The following CFAP69 variants were observed in gnomAD, a reference collection of about 807,000 sequenced individuals.
The protein encoded by CFAP69 is cilia- and flagella-associated protein 69.
CFAP69 carries 92 observed loss-of-function variants against 123.0 expected under a neutral mutation model. The ratio of observed to expected loss-of-function variants is 0.75; its 90% confidence interval spans 0.63 to 0.89. The LOEUF is 0.89. Among genes scored for constraint, CFAP69 ranks in the 40% least tolerant of loss-of-function variants. CFAP69 has a pLI of 0.00. For synonymous variants in CFAP69, 380 were observed against 364.3 expected (o/e 1.04, Z -0.49); for missense variants, 1,067 against 1,096.9 (o/e 0.97, Z 0.39).
At chr7:90,299,812 C>A in intron 16 of CFAP69, 55 bp from the exon 17 acceptor site, 9 of 1,312,282 alleles carry the variant, frequency 6.9e-6, no homozygotes, top group South Asian at 1.5e-5. Flanking sequence ...TTTTTGAAGA[C>A]AATAATTCTT....
At chr7:90,309,403 C>T in intron 22 of CFAP69, 36 bp downstream of exon 22, 1 of 1,219,930 alleles carries the variant, frequency 8.2e-7, no homozygotes, top group Non-Finnish European at 1.2e-6. Context: ...TCTTAATAGA[C>T]ATTAAATTTA....
At chr7:90,301,388 A>G (rs936696914) in intron 17 of CFAP69, 2 of 152,042 alleles carry the variant, frequency 1.3e-5, no homozygotes, top group African/African-American at 4.8e-5. Context: ...GGGTAAACTC[A>G]TGTCACAAGG....
chr7:90,309,151 A>C (rs1794014071), intron 21 of CFAP69, 112 bp from the exon 22 acceptor site: 1 of 520,788 alleles, frequency 1.9e-6, no homozygotes, highest in Non-Finnish European at 3.4e-6. Flanking sequence ...GCGCTATCTA[A>C]TAAACAACCA....
chr7:90,297,628 T>C lies in CFAP69; in HGVS notation c.1776-121T>C, dbSNP rs983060542. ...TATTTTTTTAGGTAAAAACATTAGCTACTTGATTTAAGAAAATGAAGAAAA... is the reference window on the plus strand; with the variant it reads ...TATTTTTTTAGGTAAAAACATTAGCCACTTGATTTAAGAAAATGAAGAAAA... On this transcript the variant is annotated intron_variant, in intron 15 of 22. Transcript: ENST00000389297. The C allele has an allele frequency of 5.1e-6, 3 of 591,650 alleles. No individual in the cohort carries two copies. In the African/African-American group the frequency reaches 5.9e-5, roughly 12 times the overall value. 36.7% of individuals were successfully genotyped at this position (591,650 alleles called of 1,614,324 possible).
rs377751776 is a variant in CFAP69, at chr7:90,245,473, A to T, written c.49A>T (p.Ile17Phe). The T allele has an allele frequency of 1.3e-6, 2 of 1,553,588 alleles. No homozygotes were observed. The highest frequency in any genetic ancestry group is 2.8e-5 in the African/African-American group (2 of 70,190). The change falls in exon 1 of 23, where the codon ATC (isoleucine) becomes TTC (phenylalanine). Residue 17 changes from isoleucine to phenylalanine, a missense_variant. Ile to Phe is a conservative substitution (Grantham distance 21). Transcript: ENST00000389297. ...GATAEAQESG[I>F]RNKSSSSSQI... The stretch of plus-strand genomic sequence containing the variant: ...GACCGCCGAGGCCCAGGAATCCGGC[A>T]TCAGGAACAAGTCTAGCAGTTCCAG...
chr7:90,274,336 A>G (rs987115448), intron 9 of CFAP69, among the ~76,000 whole-genome samples: 16 of 152,110 alleles, frequency 1.1e-4, no homozygotes, highest in African/African-American at 3.6e-4. Flanking sequence ...TGTATTTACC[A>G]CTTATGATGC....
downstream of CFAP69, chr7:90,312,837 T>C (rs1413049204): frequency 6.6e-6 from 1 of 152,192 alleles, no homozygotes; most frequent in Admixed American, 6.5e-5. Flanking sequence ...CTGAAACTTT[T>C]ACTAACCAAC....
intron 15 of CFAP69, 147 bp downstream of exon 15, chr7:90,288,499 A>G: frequency 2.3e-6 from 2 of 884,246 alleles, no homozygotes; most frequent in Non-Finnish European, 3.4e-6. Flanking sequence ...CATAGATGGT[A>G]TAGCCTACTA....
At chr7:90,291,047 A>T (rs976149087) in intron 15 of CFAP69, among the ~76,000 whole-genome samples, 1 of 152,240 alleles carries the variant, frequency 6.6e-6, no homozygotes, top group East Asian at 1.9e-4. Context: ...GCAAATTCTT[A>T]TAGGAAAGGG....
intron 15 of CFAP69, among the ~76,000 whole-genome samples, chr7:90,291,731 G>T (rs747824069): frequency 1.1e-4 from 16 of 152,048 alleles, no homozygotes; most frequent in Non-Finnish European, 2.4e-4. Flanking sequence ...TTGTGTTCAG[G>T]GTACAGGGGA....
chr7:90,322,032 A>T, the CFAP69 span, among the ~76,000 whole-genome samples: 2 of 149,478 alleles, frequency 1.3e-5, no homozygotes, highest in South Asian at 4.3e-4. Context: ...TTGAGCTGGG[A>T]TGGTGAGATC....
intron 1 of CFAP69, among the ~76,000 whole-genome samples, chr7:90,247,987 A>G (rs1796537464): frequency 1.3e-5 from 2 of 152,260 alleles, no homozygotes; most frequent in Admixed American, 6.5e-5. Flanking sequence ...ATCATCCTTT[A>G]TCCAGGGAAC....
At chr7:90,319,173 T>C in the CFAP69 span, 2 of 392,352 alleles carry the variant, frequency 5.1e-6, no homozygotes, top group Middle Eastern at 6.4e-4. Flanking sequence ...AAGTCAGAGC[T>C]TGTGTGGTTT....
At chr7:90,304,471 G>C (rs1793252532) in intron 18 of CFAP69, 2 of 1,229,522 alleles carry the variant, frequency 1.6e-6, no homozygotes, top group African/African-American at 3.2e-5. Flanking sequence ...TTCAGCTTCT[G>C]AAGTAAGATA....
At chr7:90,273,512 G>A (rs1800259461) in intron 8 of CFAP69, among the ~76,000 whole-genome samples, 1 of 152,140 alleles carries the variant, frequency 6.6e-6, no homozygotes, top group Non-Finnish European at 1.5e-5. Flanking sequence ...GGCAGATTTG[G>A]AAGTGTAAAA....
intron 6 of CFAP69, among the ~76,000 whole-genome samples, chr7:90,271,204 T>A (rs1378722158): frequency 6.6e-6 from 1 of 152,064 alleles, no homozygotes; most frequent in Non-Finnish European, 1.5e-5. Flanking sequence ...GGGTCCCAGG[T>A]CAAACTAGGC....
Position 90,286,946 on chromosome 7 carries a change from G to A in CFAP69, c.1656+547G>A, listed in dbSNP as rs186551506. Among the ~76,000 whole-genome samples, 556 of 151,406 alleles carry A rather than the reference G, an allele frequency of 3.7e-3. 4 individuals are homozygous for A. The highest frequency in any genetic ancestry group is 0.013 in the African/African-American group (530 of 41,296). The stretch of plus-strand genomic sequence containing the variant: ...CTACTAAAAATACAAAAATTAGCCA[G>A]GCGTTGTGGTGTGCGCCTGTAATCT... On this transcript the variant is annotated intron_variant, in intron 14 of 22. Coordinates refer to ENST00000389297, the MANE Select transcript of CFAP69 (RefSeq NM_001039706.3).
intron 9 of CFAP69, among the ~76,000 whole-genome samples, chr7:90,274,813 T>C (rs1788349129): frequency 6.6e-6 from 1 of 152,222 alleles, no homozygotes; most frequent in Non-Finnish European, 1.5e-5. Context: ...TTTGTATTTG[T>C]TCTGCTTAGG....
chr7:90,290,309 C>T (rs1011233562), intron 15 of CFAP69, among the ~76,000 whole-genome samples: 1 of 152,136 alleles, frequency 6.6e-6, no homozygotes, highest in African/African-American at 2.4e-5. Flanking sequence ...ACCAGAAAAC[C>T]CAGTGTTCTG....
Sources: allele counts gnomAD v4.1 joint callset (sites outside exome capture counted in the v4.1 genomes callset), GRCh38; gene constraint gnomAD v4.1.1; transcripts MANE v1.5; gene names NCBI Gene and HGNC (gene_info 2026-07-23, HGNC 2026-07-21).